CPA6: variants seen among roughly 807,000 people sequenced by gnomAD.
CPA6 encodes the protein carboxypeptidase B.
Under a neutral mutation model 63.3 loss-of-function variants are expected in CPA6, and 58 were observed. The observed-to-expected ratio is 0.92, with a 90% confidence interval of 0.74 to 1.14. The LOEUF is 1.14. CPA6 is among the 50% of genes most tolerant of loss of function. The pLI, the probability that CPA6 is intolerant of heterozygous loss-of-function variation, is 0.00. For missense variants in CPA6, 565 were observed against 526.6 expected (o/e 1.07, Z -0.71); for synonymous variants, 185 against 179.0 (o/e 1.03, Z -0.27).
intron 1 of CPA6, 90 bp from the exon 2 acceptor site, chr8:67,624,341 C>A: frequency 1.6e-6 from 1 of 644,980 alleles, no homozygotes; most frequent in Non-Finnish European, 2.6e-6. Context: ...ACTGCCTCTG[C>A]ATTTAAGAAG....
chr8:67,742,139 TGTGTGC>T (rs1817925112), intron 1 of CPA6, among the ~76,000 whole-genome samples: 1 of 151,728 alleles, frequency 6.6e-6, no homozygotes, highest in Non-Finnish European at 1.5e-5. Flanking sequence ...TGTGTGTGTG[TGTGTGC>T]GCGTGTGTGT....
At chr8:67,591,535 C>A (rs139433639) in intron 2 of CPA6, among the ~76,000 whole-genome samples, 10,395 of 151,780 alleles carry the variant, frequency 0.068, 642 homozygotes, top group African/African-American at 0.16. Context: ...ATGTTCTTCC[C>A]TTTGTTTGTA....
chr8:67,688,288 C>T (rs1816746372), intron 1 of CPA6, among the ~76,000 whole-genome samples: 1 of 152,050 alleles, frequency 6.6e-6, no homozygotes, highest in Non-Finnish European at 1.5e-5. Context: ...GAAGTTTAAC[C>T]CAAATGACCA....
Position 67,490,176 on chromosome 8 carries a change from A to G in CPA6, c.637-5387T>C, listed in dbSNP as rs1038946536. Among the ~76,000 whole-genome samples the G allele has an allele frequency of 4.6e-5, 7 of 152,296 alleles. No homozygotes were observed. In the South Asian group the frequency reaches 1.0e-3, roughly 23 times the overall value. On this transcript the variant is annotated intron_variant, in intron 6 of 10. Transcript: ENST00000297770. ...ATAGGACACAGATCATTTGTCTTTT[A>G]TGGTTTAGGTAGGGGTTTCTAAAAG... is the stretch of plus-strand genomic sequence containing the variant.
chr8:67,624,305 G>T lies in CPA6; in HGVS notation c.117-54C>A, dbSNP rs1431107315. 9.1e-6 allele frequency: 9 copies of T among 987,960 alleles called. No homozygotes were observed. The Admixed American group carries it at 1.1e-4, about 12-fold the overall frequency. The allele number at this position is 987,960 out of a possible 1,614,324, so 61.2% of individuals were successfully genotyped here. A position where few individuals can be genotyped will look rare whatever the true frequency, so the allele number is the denominator to read the frequency against. ...TTACTTTTCGAAAATAAAGATATTA[G>T]TCATCTCTTTCTTACCTCTTAAAAA... is the stretch of plus-strand genomic sequence containing the variant. On this transcript the variant is annotated intron_variant, in intron 1 of 10. Transcript: ENST00000297770.
At chr8:67,529,322 C>A (rs1812428331) in intron 2 of CPA6, among the ~76,000 whole-genome samples, 1 of 152,088 alleles carries the variant, frequency 6.6e-6, no homozygotes, top group African/African-American at 2.4e-5. Context: ...AATGACTTGG[C>A]TGATCACAGA....
chr8:67,692,788 T>C (rs1243228316), intron 1 of CPA6, among the ~76,000 whole-genome samples: 1 of 152,248 alleles, frequency 6.6e-6, no homozygotes, highest in Non-Finnish European at 1.5e-5. Context: ...TGTGAAAGTG[T>C]TGACCTCTTC....
At chr8:67,469,562 C>T (rs1459680746) in intron 8 of CPA6, among the ~76,000 whole-genome samples, 2 of 152,084 alleles carry the variant, frequency 1.3e-5, no homozygotes, top group African/African-American at 4.8e-5. Flanking sequence ...GGTGAGATTG[C>T]ACCACTGCAC....
At chr8:67,689,699 A>G (rs2128997142) in intron 1 of CPA6, among the ~76,000 whole-genome samples, 1 of 152,312 alleles carries the variant, frequency 6.6e-6, no homozygotes, top group Admixed American at 6.5e-5. Flanking sequence ...GCTTGAGTAC[A>G]TGTCTTTGCT....
chr8:67,686,791 A>G (rs1816717891), intron 1 of CPA6, among the ~76,000 whole-genome samples: 1 of 152,238 alleles, frequency 6.6e-6, no homozygotes, highest in Non-Finnish European at 1.5e-5. Context: ...GTTAAATACA[A>G]GAGGGGAGAG....
At chr8:67,495,846 C>T (rs765136589) in intron 6 of CPA6, among the ~76,000 whole-genome samples, 1 of 152,118 alleles carries the variant, frequency 6.6e-6, no homozygotes, top group Non-Finnish European at 1.5e-5. Context: ...AGCCACTGCA[C>T]CTGGCAAGTG....
At chr8:67,645,506 G>A (rs1054044459) in intron 1 of CPA6, among the ~76,000 whole-genome samples, 1 of 152,176 alleles carries the variant, frequency 6.6e-6, no homozygotes, top group African/African-American at 2.4e-5. Context: ...AAGGGGCTGT[G>A]TATTAAACAG....
In CPA6 at chr8:67,624,163, GATGTTCTAT is replaced by G. The variant is rs772727959; in HGVS notation, c.192+4_192+12del. 6.0e-5 allele frequency: 88 copies of G among 1,458,948 alleles called. No individual in the cohort carries two copies. In the African/African-American group the frequency reaches 1.1e-3, roughly 18 times the overall value. 90.4% of individuals were successfully genotyped at this position (1,458,948 alleles called of 1,614,324 possible). On this transcript the variant is annotated splice_donor_5th_base_variant and intron_variant, in intron 2 of 10. Coordinates refer to ENST00000297770, the MANE Select transcript of CPA6 (RefSeq NM_020361.5). ...AGCACAATTCTACCATAAGTGTGTA[GATGTTCTAT>G]TACCTTAAGTTGATAGGATATTTTC...
intron 8 of CPA6, among the ~76,000 whole-genome samples, chr8:67,475,930 CTTTCTCTTTCTT>C: frequency 1.4e-5 from 1 of 70,818 alleles, no homozygotes; most frequent in Non-Finnish European, 2.7e-5. Context: ...TTCTTTCTTT[CTTTCTCTTTCTT>C]TCTCTGTCTT....
chr8:67,662,580 T>TATATGTATATATAGATACATACACAC, intron 1 of CPA6, among the ~76,000 whole-genome samples: 1 of 98,646 alleles, frequency 1.0e-5, no homozygotes, highest in East Asian at 2.9e-4. Flanking sequence ...TACATACACA[T>TATATGTATATATAGATACATACACAC]GTATATGTAT....
At chr8:67,473,168 T>C (rs1314610045) in intron 8 of CPA6, among the ~76,000 whole-genome samples, 4 of 152,236 alleles carry the variant, frequency 2.6e-5, no homozygotes, top group Non-Finnish European at 5.9e-5. Context: ...GAAAGCTTTT[T>C]GTATTTTCTT....
chr8:67,536,877 CT>C (rs1812596804), intron 2 of CPA6, among the ~76,000 whole-genome samples: 1 of 152,096 alleles, frequency 6.6e-6, no homozygotes, highest in African/African-American at 2.4e-5. Flanking sequence ...CCATCAATAC[CT>C]AGTTTATTGA....
intron 2 of CPA6, among the ~76,000 whole-genome samples, chr8:67,524,613 C>CTTTTTT (rs71554611): frequency 9.9e-4 from 148 of 149,890 alleles, no homozygotes; most frequent in African/African-American, 3.4e-3. Context: ...TTTGAAAAAA[C>CTTTTTT]TTTTTTTGTT....
At chr8:67,506,139 A>T (rs1188680273) in intron 6 of CPA6, among the ~76,000 whole-genome samples, 1 of 152,166 alleles carries the variant, frequency 6.6e-6, no homozygotes, top group Non-Finnish European at 1.5e-5. Context: ...GTTGGCACAA[A>T]AGGCTGGCCC....
Sources: allele counts gnomAD v4.1 joint callset (sites outside exome capture counted in the v4.1 genomes callset), GRCh38; gene constraint gnomAD v4.1.1; transcripts MANE v1.5; gene names NCBI Gene and HGNC (gene_info 2026-07-23, HGNC 2026-07-21).